VAV1: variants seen among roughly 807,000 people sequenced by gnomAD.
VAV1 encodes the protein vav guanine nucleotide exchange factor 1.
VAV1 carries 33 observed loss-of-function variants against 128.1 expected under a neutral mutation model. That is an observed-to-expected ratio of 0.26 (90% CI 0.20 to 0.34). The LOEUF (loss-of-function observed/expected upper bound fraction) is 0.34. Ranked by LOEUF, VAV1 falls within the 10% of genes least tolerant of loss-of-function variation. The pLI is 1.00. For missense variants in VAV1, 715 were observed against 1,093.7 expected (o/e 0.65, Z 4.88); for synonymous variants, 394 against 409.8 (o/e 0.96, Z 0.47).
rs761576772 is a variant in VAV1, at chr19:6,833,962, G to A, written c.1777+9G>A. On this transcript the variant is annotated intron_variant, in intron 19 of 26. Coordinates refer to ENST00000602142, the MANE Select transcript of VAV1 (RefSeq NM_005428.4). ...AAAGAGGAATGAGCTGGGTGAGTTG[G>A]CAGGGGTTGCTGTGTGGGGGCAGGA... 31 of 1,613,906 alleles carry A rather than the reference G, an allele frequency of 1.9e-5. No homozygotes were observed. Among genetic ancestry groups the A allele is most frequent in the Non-Finnish European group, 2.5e-5 (29 of 1,180,012 alleles).
At chr19:6,776,465 C>T in intron 1 of VAV1, among the ~76,000 whole-genome samples, 1 of 150,364 alleles carries the variant, frequency 6.7e-6, no homozygotes. Flanking sequence ...TCCACCCACC[C>T]ATCCATCCAT....
At position 6,822,961 on chromosome 19, in the gene VAV1, A is replaced by G. The variant is rs1214155405; in HGVS notation, c.654+447A>G. ...TCATATAGAGCTATATGTAAATAAT[A>G]TATACAATATATAAATATATAAAAT... is the stretch of plus-strand genomic sequence containing the variant. On this transcript the variant is annotated intron_variant, in intron 6 of 26. Coordinates refer to ENST00000602142, the MANE Select transcript of VAV1 (RefSeq NM_005428.4). This position sits in a 1 kb window ranked among gnomAD's most constrained non-coding sequence, Gnocchi z 5.9. Among the ~76,000 whole-genome samples, 2 of 147,554 alleles carry G rather than the reference A, an allele frequency of 1.4e-5. No homozygotes were observed. The highest frequency in any genetic ancestry group is 3.0e-5 in the Non-Finnish European group (2 of 67,008).
chr19:6,846,443 C>T (rs1165061880), intron 22 of VAV1, among the ~76,000 whole-genome samples: 1 of 151,226 alleles, frequency 6.6e-6, no homozygotes, highest in East Asian at 2.0e-4. Flanking sequence ...AGAAAATTAG[C>T]TGGGCGTGGT....
intron 1 of VAV1, among the ~76,000 whole-genome samples, chr19:6,797,610 G>A (rs1483863092): frequency 2.0e-5 from 3 of 152,100 alleles, no homozygotes; most frequent in Non-Finnish European, 4.4e-5. Context: ...GGCTGAGGCA[G>A]GAGAATTGTT....
chr19:6,795,575 G>C (rs1971114717), intron 1 of VAV1, among the ~76,000 whole-genome samples: 1 of 152,116 alleles, frequency 6.6e-6, no homozygotes, highest in South Asian at 2.1e-4. Flanking sequence ...CTATTGGTCT[G>C]AGAACTGATG....
chr19:6,794,477 C>A (rs1312504514), intron 1 of VAV1, among the ~76,000 whole-genome samples: 1 of 151,962 alleles, frequency 6.6e-6, no homozygotes, highest in Non-Finnish European at 1.5e-5. Context: ...TGCGCTCAGG[C>A]CTGGGCGACA....
At chr19:6,805,334 A>T (rs1443494059) in intron 1 of VAV1, among the ~76,000 whole-genome samples, 1 of 152,048 alleles carries the variant, frequency 6.6e-6, no homozygotes, top group Non-Finnish European at 1.5e-5. Context: ...CTGAGGCAGG[A>T]GCATCGCTTG....
At chr19:6,783,313 G>C (rs1177491058) in intron 1 of VAV1, among the ~76,000 whole-genome samples, 2 of 152,164 alleles carry the variant, frequency 1.3e-5, no homozygotes, top group African/African-American at 4.8e-5. Flanking sequence ...GGGGTTGGGG[G>C]AGGAGGGCTC....
Position 6,820,850 on chromosome 19 carries a change from G to A in VAV1, c.321+32G>A, listed in dbSNP as rs747327166. On this transcript the variant is annotated intron_variant, in intron 2 of 26. Coordinates refer to ENST00000602142, the MANE Select transcript of VAV1 (RefSeq NM_005428.4). This position sits in a 1 kb window ranked among gnomAD's most constrained non-coding sequence, Gnocchi z 4.4. ...TGCACACTTGAAGCCCAAAGACTGA[G>A]TTTCAGTTAATTTCTATTGACGTCT... The A allele has an allele frequency of 3.1e-6, 5 of 1,597,460 alleles. No homozygotes were observed. The highest frequency in any genetic ancestry group is 1.1e-5 in the South Asian group (1 of 90,738).
intron 22 of VAV1, among the ~76,000 whole-genome samples, chr19:6,843,399 C>T (rs1301101522): frequency 1.3e-5 from 2 of 151,898 alleles, no homozygotes; most frequent in East Asian, 1.9e-4. Flanking sequence ...ATGATGATGA[C>T]GATGATGACA....
chr19:6,809,643 G>A (rs931348020), intron 1 of VAV1, among the ~76,000 whole-genome samples: 3 of 152,120 alleles, frequency 2.0e-5, no homozygotes, highest in Non-Finnish European at 4.4e-5. Flanking sequence ...CCATGGCAAG[G>A]TTTCAAGAGG....
At chr19:6,798,526 G>C (rs984027290) in intron 1 of VAV1, among the ~76,000 whole-genome samples, 3 of 152,154 alleles carry the variant, frequency 2.0e-5, no homozygotes, top group East Asian at 3.9e-4. Context: ...AGTGGCATGT[G>C]CCTGTAGTCC....
intron 22 of VAV1, among the ~76,000 whole-genome samples, chr19:6,843,869 C>G (rs558271297): frequency 2.6e-5 from 4 of 151,796 alleles, no homozygotes; most frequent in African/African-American, 9.7e-5. Context: ...TTGCGATCCA[C>G]AGTGTCCATC....
intron 1 of VAV1, among the ~76,000 whole-genome samples, chr19:6,773,338 G>A (rs918953111): frequency 1.3e-5 from 2 of 152,130 alleles, no homozygotes; most frequent in Admixed American, 1.3e-4. Context: ...CAGAGGTCTC[G>A]GGGGAGCTCC....
Position 6,854,070 on chromosome 19 carries a change from G to T in VAV1, c.2456G>T (p.Gly819Val). 6.2e-7 allele frequency: 1 copy of T among 1,613,688 alleles called. No homozygotes were observed. Among genetic ancestry groups the T allele is most frequent in the Non-Finnish European group, 8.5e-7 (1 of 1,180,018 alleles). The change falls in exon 26 of 27, where the codon GGC becomes GTC. Residue 819 changes from glycine to valine, a missense_variant. Gly to Val is a moderately radical substitution (Grantham distance 109). Coordinates refer to ENST00000602142, the MANE Select transcript of VAV1 (RefSeq NM_005428.4). The stretch of plus-strand genomic sequence containing the variant: ...ATCCTTAACAAGAAGGGACAGCAAG[G>T]CTGGTGGCGAGGGGAGATCTATGGC... ...IKILNKKGQQ[G>V]WWRGEIYGRV...
At chr19:6,789,495 C>T (rs1404805497) in intron 1 of VAV1, among the ~76,000 whole-genome samples, 1 of 152,198 alleles carries the variant, frequency 6.6e-6, no homozygotes, top group South Asian at 2.1e-4. Context: ...TCATGATCCA[C>T]CTGCCTTGGC....
chr19:6,820,595 T>G lies in VAV1; in HGVS notation c.205-107T>G. ...ATTCAATTTCATGGAAGAGGGTCTG[T>G]GCTTTCATTTCCCCTCCACACCAGT... On this transcript the variant is annotated intron_variant, in intron 1 of 26. Transcript: ENST00000602142. This position sits in a 1 kb window ranked among gnomAD's most constrained non-coding sequence, Gnocchi z 4.4. 1 of 787,858 alleles carries G rather than the reference T, an allele frequency of 1.3e-6. No individual in the cohort carries two copies. Among genetic ancestry groups the G allele is most frequent in the Non-Finnish European group, 2.2e-6 (1 of 453,446 alleles). 48.8% of individuals were successfully genotyped at this position (787,858 alleles called of 1,614,324 possible).
intron 1 of VAV1, among the ~76,000 whole-genome samples, chr19:6,795,359 C>T (rs1971109174): frequency 1.3e-5 from 2 of 152,126 alleles, no homozygotes; most frequent in African/African-American, 4.8e-5. Flanking sequence ...CTTCTCTGAA[C>T]TCTGTGTATC....
intron 1 of VAV1, among the ~76,000 whole-genome samples, chr19:6,776,520 TCATCCATCCATC>T (rs367861307): frequency 8.2e-4 from 52 of 63,058 alleles, no homozygotes; most frequent in East Asian, 3.3e-3. Flanking sequence ...ATCCATCCTC[TCATCCATCCATC>T]CATCCATCCA....
Sources: gnomAD v4.1 joint callset for allele counts (sites outside exome capture counted in the v4.1 genomes callset) on GRCh38, gnomAD v4.1.1 for gene constraint, Gnocchi (gnomAD v3.1) non-coding constraint, MANE v1.5 for transcripts, NCBI Gene and HGNC (gene_info 2026-07-23, HGNC 2026-07-21) for gene names.